MANEA: variants seen among roughly 807,000 people sequenced by gnomAD.
MANEA encodes mannosidase endo-alpha, also known as glycoprotein endo-alpha-1,2-mannosidase.
Under a neutral mutation model 36.8 loss-of-function variants are expected in MANEA, and 25 were observed. That is an observed-to-expected ratio of 0.68 (90% CI 0.50 to 0.95). The LOEUF (loss-of-function observed/expected upper bound fraction) is 0.95, where lower values mean the gene tolerates loss of function less well. MANEA is among the 40% of genes least tolerant of loss of function. The pLI is 0.00. For missense variants in MANEA, 565 were observed against 558.8 expected (o/e 1.01, Z -0.11); for synonymous variants, 198 against 188.5 (o/e 1.05, Z -0.41).
chr6:95,601,504 C>T (rs939187021), intron 3 of MANEA, among the ~76,000 whole-genome samples: 1 of 152,020 alleles, frequency 6.6e-6, no homozygotes, highest in African/African-American at 2.4e-5. Context: ...CCCCTTTCTG[C>T]CTAGGACTCA....
intron 3 of MANEA, among the ~76,000 whole-genome samples, chr6:95,602,674 A>G (rs186801952): frequency 0.015 from 2,227 of 152,220 alleles, 20 homozygotes; most frequent in Middle Eastern, 0.048. Flanking sequence ...GATCTAATTG[A>G]TTTTTCCAAA....
At chr6:95,594,010 TGAG>T (rs1769438607) in intron 2 of MANEA, among the ~76,000 whole-genome samples, 2 of 151,460 alleles carry the variant, frequency 1.3e-5, no homozygotes, top group South Asian at 4.2e-4. Context: ...TGCAGTGAGC[TGAG>T]ATTGTGCCAC....
chr6:95,599,031 A>G (rs1373911970), intron 3 of MANEA, among the ~76,000 whole-genome samples: 1 of 152,202 alleles, frequency 6.6e-6, no homozygotes, highest in African/African-American at 2.4e-5. Context: ...CCTTACACAC[A>G]GAATGGTTAT....
intron 3 of MANEA, among the ~76,000 whole-genome samples, chr6:95,599,983 C>T (rs1769557755): frequency 6.6e-6 from 1 of 152,190 alleles, no homozygotes; most frequent in South Asian, 2.1e-4. Context: ...CCAAGAGCTG[C>T]TTTTCTGTCC....
chr6:95,585,590 C>T (rs1239647264), intron 1 of MANEA, among the ~76,000 whole-genome samples: 2 of 152,220 alleles, frequency 1.3e-5, no homozygotes, highest in African/African-American at 4.8e-5. Flanking sequence ...GCTGGGATTA[C>T]AGGCATGAGC....
chr6:95,601,161 G>T (rs1769583458), intron 3 of MANEA, among the ~76,000 whole-genome samples: 1 of 152,196 alleles, frequency 6.6e-6, no homozygotes, highest in African/African-American at 2.4e-5. Flanking sequence ...AGCAAAGGCT[G>T]TTGCACTTAT....
At chr6:95,602,861 A>C (rs1402941196) in intron 3 of MANEA, among the ~76,000 whole-genome samples, 1 of 150,172 alleles carries the variant, frequency 6.7e-6, no homozygotes, top group Non-Finnish European at 1.5e-5. Flanking sequence ...TCTACTAAAA[A>C]TACAAAAAAT....
At chr6:95,579,136 CG>C (rs1769131356) in intron 1 of MANEA, among the ~76,000 whole-genome samples, 1 of 152,088 alleles carries the variant, frequency 6.6e-6, no homozygotes, top group Admixed American at 6.5e-5. Context: ...TTTGGGAGGC[CG>C]AAGTGGGTGG....
chr6:95,588,651 T>C (rs1450753426), intron 2 of MANEA, among the ~76,000 whole-genome samples: 2 of 151,886 alleles, frequency 1.3e-5, no homozygotes, highest in Non-Finnish European at 2.9e-5. Context: ...TTGATATGGC[T>C]AAAAAAACTA....
At chr6:95,583,446 C>T (rs890285946) in intron 1 of MANEA, among the ~76,000 whole-genome samples, 2 of 151,808 alleles carry the variant, frequency 1.3e-5, no homozygotes, top group African/African-American at 2.4e-5. Flanking sequence ...CACATACACA[C>T]GTTTATGTAT....
chr6:95,586,815 C>A lies in MANEA; in HGVS notation c.376C>A (p.Pro126Thr). The A allele has an allele frequency of 6.2e-7, 1 of 1,613,826 alleles. No homozygotes were observed. Among genetic ancestry groups the A allele is most frequent in the Non-Finnish European group, 8.5e-7 (1 of 1,179,822 alleles). ...FDGKYIHWNHPVLEHWDPRIA... is the reference protein window; with the variant it reads ...FDGKYIHWNHTVLEHWDPRIA... ...TGGTAAATATATACATTGGAATCAT[C>A]CAGTGTTAGAGCATTGGGACCCTAG... is the stretch of plus-strand genomic sequence containing the variant. Residue 126 changes from proline to threonine, a missense_variant, in exon 2 of 5, where the codon CCA becomes ACA. Physicochemically the swap from Pro to Thr is conservative, Grantham distance 38 (BLOSUM62 -1). Coordinates refer to ENST00000358812, the MANE Select transcript of MANEA (RefSeq NM_024641.4).
rs1276911115 is a variant in MANEA at position 95,588,853 on chromosome 6, A to G, written c.544+1870A>G. On this transcript the variant is annotated intron_variant, in intron 2 of 4. Coordinates refer to ENST00000358812, the MANE Select transcript of MANEA (RefSeq NM_024641.4). ...TTTTAAATAGAAATATATGTGTTAC[A>G]CTATTTTTGGTATAGTTTGTGATCA... 2.0e-5 allele frequency among the ~76,000 whole-genome samples: 3 copies of G among 151,508 alleles called. No individual in the cohort carries two copies. The East Asian group carries it at 5.8e-4, about 29-fold the overall frequency.
intron 1 of MANEA, among the ~76,000 whole-genome samples, chr6:95,581,859 C>G (rs970334045): frequency 6.6e-6 from 1 of 151,994 alleles, no homozygotes; most frequent in African/African-American, 2.4e-5. Context: ...TTATAGAATA[C>G]CTATCCAAAT....
intron 1 of MANEA, among the ~76,000 whole-genome samples, chr6:95,584,283 T>A (rs1254592226): frequency 6.6e-6 from 1 of 152,178 alleles, no homozygotes; most frequent in Non-Finnish European, 1.5e-5. Context: ...ATATTTTTCT[T>A]CTTGCAGAGA....
intron 1 of MANEA, among the ~76,000 whole-genome samples, chr6:95,579,719 T>C (rs1224874929): frequency 6.6e-6 from 1 of 152,164 alleles, no homozygotes; most frequent in Non-Finnish European, 1.5e-5. Context: ...CTGAATCTCT[T>C]GGGGTCTCTT....
Position 95,578,549 on chromosome 6 carries a change from T to G in MANEA, c.-39+911T>G, listed in dbSNP as rs184311044. On this transcript the variant is annotated intron_variant, in intron 1 of 4. Coordinates refer to ENST00000358812, the MANE Select transcript of MANEA (RefSeq NM_024641.4). The stretch of plus-strand genomic sequence containing the variant: ...GTATCACGTTGTTTGCAAATCACTT[T>G]CATGACAATACATCTATTTCAGGTG... Among the ~76,000 whole-genome samples, 13 of 152,276 alleles carry G rather than the reference T, an allele frequency of 8.5e-5. No individual in the cohort carries two copies. The East Asian group carries it at 2.5e-3, about 30-fold the overall frequency.
chr6:95,589,687 A>G (rs1024581076), intron 2 of MANEA, among the ~76,000 whole-genome samples: 1 of 152,172 alleles, frequency 6.6e-6, no homozygotes, highest in African/African-American at 2.4e-5. Context: ...CAACTCTAAA[A>G]GTAACAGATG....
intron 1 of MANEA, among the ~76,000 whole-genome samples, chr6:95,581,363 A>G (rs193045302): frequency 3.5e-4 from 54 of 152,328 alleles, no homozygotes; most frequent in African/African-American, 1.3e-3. Flanking sequence ...ATGAGAAGAC[A>G]GAGGATCAGC....
chr6:95,601,716 A>ATTTCTTTTTTTTTTTTTTT (rs1769595078), intron 3 of MANEA, among the ~76,000 whole-genome samples: 1 of 64,968 alleles, frequency 1.5e-5, no homozygotes, highest in Non-Finnish European at 2.7e-5. Flanking sequence ...AGATTCAGTG[A>ATTTCTTTTTTTTTTTTTTT]TTTTTTTTTT....
Sources: gnomAD v4.1 joint callset for allele counts (sites outside exome capture counted in the v4.1 genomes callset) on GRCh38, gnomAD v4.1.1 for gene constraint, MANE v1.5 for transcripts, NCBI Gene and HGNC (gene_info 2026-07-23, HGNC 2026-07-21) for gene names.